Variants in ADIPOR2 observed in about 807,000 individuals in gnomAD.
ADIPOR2 encodes adiponectin receptor protein 2.
Under a neutral mutation model 40.9 loss-of-function variants are expected in ADIPOR2, and 18 were observed. That is an observed-to-expected ratio of 0.44 (90% CI 0.30 to 0.65). The LOEUF (loss-of-function observed/expected upper bound fraction) is 0.65. Among genes scored for constraint, ADIPOR2 ranks in the 30% least tolerant of loss-of-function variants. The pLI is 0.09. For missense variants in ADIPOR2, 283 were observed against 479.2 expected, an observed-to-expected ratio of 0.59 and a Z score of 3.82; for synonymous variants, 165 against 166.4, an observed-to-expected ratio of 0.99 and a Z score of 0.06.
intron 1 of ADIPOR2, among the ~76,000 whole-genome samples, chr12:1,717,001 A>G (rs1276213899): frequency 6.6e-6 from 1 of 152,248 alleles, no homozygotes; most frequent in African/African-American, 2.4e-5. Context: ...TAAGCAGGCA[A>G]TAGAAGTTAA....
chr12:1,707,412 CTTT>C (rs60914975), intron 1 of ADIPOR2, among the ~76,000 whole-genome samples: 1 of 148,280 alleles, frequency 6.7e-6, no homozygotes. Context: ...TTAATTTTAA[CTTT>C]TTTTTTTTTA....
At chr12:1,747,845 A>G (rs2094759119) in intron 1 of ADIPOR2, among the ~76,000 whole-genome samples, 1 of 151,362 alleles carries the variant, frequency 6.6e-6, no homozygotes, top group Admixed American at 6.6e-5. Flanking sequence ...TGCTGCTTTT[A>G]AGATTTTCTC....
rs560137881 is a variant in ADIPOR2, at chr12:1,781,240, G to A, written c.838+164G>A. On this transcript the variant is annotated intron_variant, in intron 6 of 7. Coordinates refer to ENST00000357103, the MANE Select transcript of ADIPOR2 (RefSeq NM_024551.3). ...TTGGGGGTTTTTTTATGTAGTAGTC[G>A]TAGTAGTTGTTGTTGTTAGTAGTGT... 1.4e-4 allele frequency among the ~76,000 whole-genome samples: 21 copies of A among 152,254 alleles called. 1 individual carries two copies. In the South Asian group the frequency reaches 3.7e-3, roughly 27 times the overall value.
chr12:1,744,804 T>C (rs1008112987), intron 1 of ADIPOR2, among the ~76,000 whole-genome samples: 12 of 152,218 alleles, frequency 7.9e-5, no homozygotes, highest in African/African-American at 2.9e-4. Context: ...AAAATGGAAT[T>C]AAAAGATAAA....
At chr12:1,774,085 G>A (rs1201493335) in intron 3 of ADIPOR2, among the ~76,000 whole-genome samples, 1 of 152,184 alleles carries the variant, frequency 6.6e-6, no homozygotes, top group African/African-American at 2.4e-5. Flanking sequence ...TGTCTCAGGA[G>A]AATTAGCACA....
intron 1 of ADIPOR2, among the ~76,000 whole-genome samples, chr12:1,737,278 C>A (rs141034544): frequency 1.3e-4 from 20 of 152,046 alleles, no homozygotes; most frequent in African/African-American, 4.8e-4. Context: ...TCTCAATGTA[C>A]CTTTTATAGT....
chr12:1,777,382 CTTTTTTT>C (rs59141974), intron 3 of ADIPOR2, among the ~76,000 whole-genome samples: 2 of 98,744 alleles, frequency 2.0e-5, no homozygotes, highest in African/African-American at 3.6e-5. Context: ...TTTTTTCTTT[CTTTTTTT>C]TTTTTTTTTT....
rs367725550 is a variant in ADIPOR2, at chr12:1,721,830, T to C, written c.-87+30639T>C. ...GAGCATTCTACCATAGGGAACCATGTTACACAAAGCCCCTTGAGCTCTTGG... is the reference window on the plus strand; with the variant it reads ...GAGCATTCTACCATAGGGAACCATGCTACACAAAGCCCCTTGAGCTCTTGG... On this transcript the variant is annotated intron_variant, in intron 1 of 7. Coordinates refer to ENST00000357103, the MANE Select transcript of ADIPOR2 (RefSeq NM_024551.3). Among the ~76,000 whole-genome samples the C allele has an allele frequency of 2.3e-4, 35 of 152,286 alleles. 2 individuals are homozygous for C. The South Asian group carries it at 7.3e-3, about 32-fold the overall frequency.
chr12:1,747,326 T>C (rs146463707), intron 1 of ADIPOR2, among the ~76,000 whole-genome samples: 2 of 152,282 alleles, frequency 1.3e-5, no homozygotes, highest in African/African-American at 2.4e-5. Flanking sequence ...TTCACAAATA[T>C]GTGGAAATTA....
intron 1 of ADIPOR2, among the ~76,000 whole-genome samples, chr12:1,717,024 C>G (rs1346071551): frequency 2.6e-5 from 4 of 152,150 alleles, no homozygotes; most frequent in African/African-American, 4.8e-5. Flanking sequence ...TGATAATATT[C>G]TGACTTTGGA....
intron 1 of ADIPOR2, among the ~76,000 whole-genome samples, chr12:1,698,774 G>A (rs753564025): frequency 5.3e-5 from 8 of 151,868 alleles, no homozygotes; most frequent in Non-Finnish European, 1.5e-5. Context: ...TCATTTTGAT[G>A]TGTGTTATCA....
At chr12:1,735,788 G>T (rs1228599022) in intron 1 of ADIPOR2, among the ~76,000 whole-genome samples, 1 of 152,158 alleles carries the variant, frequency 6.6e-6, no homozygotes, top group Non-Finnish European at 1.5e-5. Context: ...CTAATTTATT[G>T]AGAGTTTTAG....
chr12:1,785,703 A>G (rs1158381204), intron 7 of ADIPOR2, among the ~76,000 whole-genome samples: 1 of 152,054 alleles, frequency 6.6e-6, no homozygotes, highest in East Asian at 1.9e-4. Context: ...GTAGATTTTT[A>G]TGTGTAGAGC....
intron 2 of ADIPOR2, among the ~76,000 whole-genome samples, chr12:1,759,366 G>A (rs945722012): frequency 6.6e-6 from 1 of 152,112 alleles, no homozygotes; most frequent in African/African-American, 2.4e-5. Flanking sequence ...AACATTATGG[G>A]AGCCCTTAGG....
chr12:1,764,221 C>T (rs1862327343), intron 2 of ADIPOR2, among the ~76,000 whole-genome samples: 1 of 152,080 alleles, frequency 6.6e-6, no homozygotes, highest in African/African-American at 2.4e-5. Context: ...TGGTCCCCGA[C>T]ACTATATTAA....
chr12:1,759,899 C>T lies in ADIPOR2; in HGVS notation c.171+5385C>T, dbSNP rs373937993. 1.4e-4 allele frequency among the ~76,000 whole-genome samples: 22 copies of T among 152,110 alleles called. 1 individual carries two copies. In the South Asian group the frequency reaches 3.3e-3, roughly 23 times the overall value. On this transcript the variant is annotated intron_variant, in intron 2 of 7. Transcript: ENST00000357103. ...AATTAGCTGGGTGTGGTGGCAGGCA[C>T]CTATAATCCCGGCTACTTTGGGAGG...
chr12:1,741,182 G>T (rs11061958), intron 1 of ADIPOR2, among the ~76,000 whole-genome samples: 6,546 of 152,242 alleles, frequency 0.043, 240 homozygotes, highest in East Asian at 0.18. Context: ...AAAATCTGGA[G>T]GGATTTTAGC....
intron 3 of ADIPOR2, among the ~76,000 whole-genome samples, chr12:1,774,032 A>T (rs1386705933): frequency 1.3e-5 from 2 of 152,198 alleles, no homozygotes; most frequent in African/African-American, 4.8e-5. Flanking sequence ...AAAATGAGTG[A>T]AGAAACAACT....
At chr12:1,716,889 T>G (rs1467382071) in intron 1 of ADIPOR2, among the ~76,000 whole-genome samples, 1 of 152,180 alleles carries the variant, frequency 6.6e-6, no homozygotes, top group Non-Finnish European at 1.5e-5. Flanking sequence ...TTTTGCCAAA[T>G]GGGAGATGGC....
Sources: allele counts gnomAD v4.1 joint callset (sites outside exome capture counted in the v4.1 genomes callset), GRCh38; gene constraint gnomAD v4.1.1; transcripts MANE v1.5; gene names NCBI Gene and HGNC (gene_info 2026-07-23, HGNC 2026-07-21).